The following CPQ variants were observed in gnomAD, a reference collection of about 807,000 sequenced individuals.
The protein encoded by CPQ is carboxypeptidase Q, also known as Ser-Met dipeptidase.
Under a neutral mutation model 45.7 loss-of-function variants are expected in CPQ, and 37 were observed. The ratio of observed to expected loss-of-function variants is 0.81; its 90% CI spans 0.62 to 1.07. The LOEUF (loss-of-function observed/expected upper bound fraction) is 1.07. Ranked by LOEUF, CPQ falls within the 50% of genes least tolerant of loss-of-function variation. CPQ has a pLI of 0.00. For synonymous variants in CPQ, 186 were observed against 205.8 expected (o/e 0.90, Z 0.82); for missense variants, 537 against 572.9 (o/e 0.94, Z 0.64).
At chr8:97,014,641 C>CAA (rs368425080) in intron 5 of CPQ, among the ~76,000 whole-genome samples, 593 of 58,548 alleles carry the variant, frequency 0.01, 7 homozygotes, top group African/African-American at 0.032. Flanking sequence ...GACTCCATCT[C>CAA]AAAAAAAAAA....
intron 2 of CPQ, among the ~76,000 whole-genome samples, chr8:96,814,033 CAT>C (rs949195672): frequency 6.6e-5 from 10 of 150,930 alleles, no homozygotes; most frequent in African/African-American, 1.9e-4. Context: ...TATATATGCA[CAT>C]ATATATATAT....
intron 3 of CPQ, among the ~76,000 whole-genome samples, chr8:96,855,291 C>T: frequency 6.6e-6 from 1 of 152,178 alleles, no homozygotes; most frequent in East Asian, 1.9e-4. Context: ...TCACAGCCAT[C>T]CTTCCAGTTA....
intron 7 of CPQ, among the ~76,000 whole-genome samples, chr8:97,132,618 A>G (rs916487808): frequency 1.3e-5 from 2 of 152,218 alleles, no homozygotes; most frequent in Non-Finnish European, 2.9e-5. Context: ...GAACATGATT[A>G]TACTAAAGCA....
intron 7 of CPQ, among the ~76,000 whole-genome samples, chr8:97,113,689 A>G (rs551297569): frequency 1.3e-5 from 2 of 152,310 alleles, no homozygotes; most frequent in South Asian, 4.1e-4. Context: ...CTCTCAGGCA[A>G]CAACAACTGA....
chr8:96,962,636 G>T (rs753643200), intron 4 of CPQ, among the ~76,000 whole-genome samples: 2 of 152,184 alleles, frequency 1.3e-5, no homozygotes, highest in African/African-American at 2.4e-5. Context: ...CCTGACATAA[G>T]GGAGATTTTC....
chr8:97,127,620 T>G (rs1253069960), intron 7 of CPQ, among the ~76,000 whole-genome samples: 3 of 151,864 alleles, frequency 2.0e-5, no homozygotes, highest in Non-Finnish European at 1.5e-5. Flanking sequence ...ACCTGGGAAG[T>G]GAAGGCTGCA....
intron 5 of CPQ, among the ~76,000 whole-genome samples, chr8:96,991,192 A>T (rs1809086750): frequency 6.6e-6 from 1 of 152,134 alleles, no homozygotes; most frequent in Admixed American, 6.6e-5. Flanking sequence ...CTGTCTCAAA[A>T]ACTGCAATAA....
chr8:96,673,864 C>T (rs1157360810), intron 1 of CPQ, among the ~76,000 whole-genome samples: 15 of 151,892 alleles, frequency 9.9e-5, no homozygotes, highest in Admixed American at 9.8e-4. Flanking sequence ...TTGAATAAAT[C>T]GCAATAAAAT....
intron 3 of CPQ, among the ~76,000 whole-genome samples, chr8:96,852,754 G>A (rs1440712569): frequency 6.6e-6 from 1 of 152,112 alleles, no homozygotes; most frequent in Admixed American, 6.5e-5. Flanking sequence ...CAGATGGCAC[G>A]GCTGGAGAAA....
chr8:96,679,169 C>T (rs1226007847), intron 1 of CPQ, among the ~76,000 whole-genome samples: 6 of 151,958 alleles, frequency 3.9e-5, no homozygotes, highest in African/African-American at 1.4e-4. Flanking sequence ...TCTATGTCTA[C>T]TGAGATGATT....
chr8:96,652,850 T>C (rs1218448314), intron 1 of CPQ, among the ~76,000 whole-genome samples: 1 of 152,158 alleles, frequency 6.6e-6, no homozygotes, highest in Non-Finnish European at 1.5e-5. Context: ...TAGCCAGGAT[T>C]GTCTCGATCT....
chr8:96,948,712 A>T (rs1813221158), intron 4 of CPQ, among the ~76,000 whole-genome samples: 1 of 152,052 alleles, frequency 6.6e-6, no homozygotes, highest in Admixed American at 6.6e-5. Flanking sequence ...TTCCGTATTG[A>T]TGTCCTCTTC....
At chr8:96,969,134 A>G (rs755699193) in intron 5 of CPQ, among the ~76,000 whole-genome samples, 4 of 152,210 alleles carry the variant, frequency 2.6e-5, no homozygotes, top group Non-Finnish European at 4.4e-5. Context: ...TTCCAGGTCT[A>G]AAGAAATGAA....
At chr8:96,744,355 C>T (rs1000446415) in intron 1 of CPQ, among the ~76,000 whole-genome samples, 2 of 152,212 alleles carry the variant, frequency 1.3e-5, no homozygotes, top group Admixed American at 6.5e-5. Context: ...TGCGCGCACC[C>T]ACTGACCTGT....
intron 1 of CPQ, among the ~76,000 whole-genome samples, chr8:96,724,490 GACACACACACACACACACACACAC>G (rs146087978): frequency 6.9e-6 from 1 of 144,788 alleles, no homozygotes; most frequent in South Asian, 2.3e-4. Flanking sequence ...ATTTAGAGTA[GACACACACACACACACACACACAC>G]ACACACACAC....
At chr8:96,843,094 A>T (rs922982297) in intron 3 of CPQ, among the ~76,000 whole-genome samples, 1 of 152,048 alleles carries the variant, frequency 6.6e-6, no homozygotes, top group Admixed American at 6.6e-5. Context: ...TTTGGTAGAG[A>T]TGGAGAGTCA....
intron 4 of CPQ, among the ~76,000 whole-genome samples, chr8:96,890,873 C>T (rs1812363745): frequency 6.6e-6 from 1 of 152,170 alleles, no homozygotes; most frequent in African/African-American, 2.4e-5. Context: ...ACTTCCATTT[C>T]CACCCCTTGT....
chr8:96,711,346 G>A (rs1454186654), intron 1 of CPQ, among the ~76,000 whole-genome samples: 3 of 152,076 alleles, frequency 2.0e-5, no homozygotes, highest in Non-Finnish European at 4.4e-5. Flanking sequence ...ACTGAGATGT[G>A]TGTACTGTTC....
intron 6 of CPQ, among the ~76,000 whole-genome samples, chr8:97,036,458 A>C (rs913137990): frequency 6.6e-6 from 1 of 152,248 alleles, no homozygotes; most frequent in African/African-American, 2.4e-5. Flanking sequence ...CACTCTAGTG[A>C]ATAAGAGTTT....
Sources: allele counts gnomAD v4.1 joint callset (sites outside exome capture counted in the v4.1 genomes callset), GRCh38; gene constraint gnomAD v4.1.1; transcripts MANE v1.5; gene names NCBI Gene and HGNC (gene_info 2026-07-23, HGNC 2026-07-21).